FAM163A: variants seen among roughly 807,000 people sequenced by gnomAD.
FAM163A encodes protein FAM163A.
A neutral mutation model predicts 12.0 loss-of-function variants in FAM163A; 7 were observed. The ratio of observed to expected loss-of-function variants is 0.58; its 90% CI spans 0.33 to 1.10. The LOEUF is 1.10. Among genes scored for constraint, FAM163A ranks in the 50% least tolerant of loss-of-function variants. The pLI is 0.03. For synonymous variants in FAM163A, 101 were observed against 91.0 expected (o/e 1.11, Z -0.62); for missense variants, 202 against 218.6 (o/e 0.92, Z 0.48).
In FAM163A at chr1:179,813,911, C is replaced by G; in HGVS notation, c.226C>G (p.Leu76Val). ...SSQALDGRGS[L>V]APLTSEPCSQ... ...CCAAGCCCTGGACGGCAGAGGCAGC[C>G]TGGCGCCTCTCACCAGCGAGCCCTG... The change falls in exon 5 of 5, where the codon CTG (leucine) becomes GTG (valine). Residue 76 changes from leucine to valine, a missense_variant. Coordinates refer to ENST00000341785, the MANE Select transcript of FAM163A (RefSeq NM_173509.3). The G allele has an allele frequency of 1.2e-6, 2 of 1,613,856 alleles. No homozygotes were observed. The highest frequency in any genetic ancestry group is 2.2e-5 in the South Asian group (2 of 91,078).
chr1:179,783,959 G>C (rs183214274), intron 1 of FAM163A, among the ~76,000 whole-genome samples: 1 of 151,706 alleles, frequency 6.6e-6, no homozygotes, highest in African/African-American at 2.4e-5. Flanking sequence ...TACCTAGCTG[G>C]CTCAGAAATT....
chr1:179,730,346 C>T, the FAM163A span: 1 of 152,300 alleles, frequency 6.6e-6, no homozygotes, highest in Non-Finnish European at 1.5e-5. Context: ...AGCAAAGTTA[C>T]TCAGACCAAT....
At position 179,804,652 on chromosome 1, in the gene FAM163A, C is replaced by T. The variant is rs182118507; in HGVS notation, c.-135-3146C>T. ...AAGAAGAACAAGATCTTGTCTTTTG[C>T]GGGAACATGGATGGAGCTGGAGGCC... is the stretch of plus-strand genomic sequence containing the variant. On this transcript the variant is annotated intron_variant, in intron 1 of 4. Coordinates refer to ENST00000341785, the MANE Select transcript of FAM163A (RefSeq NM_173509.3). Among the ~76,000 whole-genome samples the T allele has an allele frequency of 3.9e-5, 6 of 152,226 alleles. No individual in the cohort carries two copies. The East Asian group carries it at 7.7e-4, about 20-fold the overall frequency.
chr1:179,766,668 A>G (rs889507273), intron 1 of FAM163A, among the ~76,000 whole-genome samples: 1 of 151,206 alleles, frequency 6.6e-6, no homozygotes, highest in Non-Finnish European at 1.5e-5. Context: ...TTCTCCTTAC[A>G]CCCCACAGCA....
At chr1:179,740,005 C>T (rs571553588), upstream of FAM163A, among the ~76,000 whole-genome samples, 2 of 152,288 alleles carry the variant, frequency 1.3e-5, no homozygotes, top group South Asian at 4.1e-4. Context: ...GGCTGGCAGT[C>T]TCTTTAACAA....
At chr1:179,806,812 A>G (rs1312342401) in intron 1 of FAM163A, among the ~76,000 whole-genome samples, 2 of 152,160 alleles carry the variant, frequency 1.3e-5, no homozygotes, top group African/African-American at 4.8e-5. Context: ...TTAAAGATCA[A>G]CACTGTCCTG....
chr1:179,781,544 G>A (rs1689731142), intron 1 of FAM163A, among the ~76,000 whole-genome samples: 1 of 152,022 alleles, frequency 6.6e-6, no homozygotes, highest in Admixed American at 6.6e-5. Context: ...ATGGCTTCCT[G>A]GGGCAAGTGT....
At chr1:179,745,141 A>T (rs1684284896) in intron 1 of FAM163A, among the ~76,000 whole-genome samples, 1 of 152,062 alleles carries the variant, frequency 6.6e-6, no homozygotes, top group African/African-American at 2.4e-5. Context: ...AGACAGGGTC[A>T]TGCTGGCGTC....
upstream of FAM163A, among the ~76,000 whole-genome samples, chr1:179,738,556 T>C (rs1438682378): frequency 1.3e-5 from 2 of 152,108 alleles, no homozygotes; most frequent in African/African-American, 4.8e-5. Flanking sequence ...GCAAAGCTGG[T>C]TCAACTTTCA....
At chr1:179,793,694 T>C (rs1691850844) in intron 1 of FAM163A, among the ~76,000 whole-genome samples, 1 of 152,232 alleles carries the variant, frequency 6.6e-6, no homozygotes. Flanking sequence ...CTGGGTGCTT[T>C]TCCATGATTG....
the FAM163A span, among the ~76,000 whole-genome samples, chr1:179,731,992 G>A: frequency 2.0e-5 from 3 of 152,080 alleles, no homozygotes; most frequent in Non-Finnish European, 4.4e-5. Context: ...AATAATCCCA[G>A]GTCTCATAAA....
At chr1:179,733,598 C>G in the FAM163A span, among the ~76,000 whole-genome samples, 2 of 152,106 alleles carry the variant, frequency 1.3e-5, no homozygotes, top group African/African-American at 4.8e-5. Flanking sequence ...CCTTGTGAGA[C>G]AGTGACGCTC....
At chr1:179,773,794 G>A (rs1236167430) in intron 1 of FAM163A, among the ~76,000 whole-genome samples, 1 of 152,202 alleles carries the variant, frequency 6.6e-6, no homozygotes, top group African/African-American at 2.4e-5. Context: ...TGAAGCACTT[G>A]CCTCTTCACC....
intron 1 of FAM163A, among the ~76,000 whole-genome samples, chr1:179,792,071 G>A (rs541933940): frequency 7.2e-5 from 11 of 152,280 alleles, no homozygotes; most frequent in African/African-American, 2.6e-4. Flanking sequence ...CCACTTACTA[G>A]ATGTGTGACC....
At chr1:179,732,634 C>A in the FAM163A span, among the ~76,000 whole-genome samples, 1 of 152,084 alleles carries the variant, frequency 6.6e-6, no homozygotes, top group African/African-American at 2.4e-5. Context: ...GCAATTCCAG[C>A]ACTTTAGGAG....
chr1:179,760,835 G>T (rs951845233), intron 1 of FAM163A, among the ~76,000 whole-genome samples: 5 of 152,256 alleles, frequency 3.3e-5, no homozygotes, highest in African/African-American at 1.2e-4. Flanking sequence ...ATCTCTTCTT[G>T]TATGTCCCAC....
In FAM163A at chr1:179,812,570, A is replaced by C. The variant is rs553142239; in HGVS notation, c.-23+439A>C. Among the ~76,000 whole-genome samples, 5 of 152,350 alleles carry C rather than the reference A, an allele frequency of 3.3e-5. No individual in the cohort carries two copies. The South Asian group carries it at 8.3e-4, about 25-fold the overall frequency. ...GTGTGTGCCAAGAGGGCGGGGATCAAGAGCACAGCCTTTGGGATGAACGGG... is the reference window on the plus strand; with the variant it reads ...GTGTGTGCCAAGAGGGCGGGGATCACGAGCACAGCCTTTGGGATGAACGGG... On this transcript the variant is annotated intron_variant, in intron 3 of 4. Coordinates refer to ENST00000341785, the MANE Select transcript of FAM163A (RefSeq NM_173509.3).
intron 1 of FAM163A, among the ~76,000 whole-genome samples, chr1:179,800,168 C>A (rs1203200105): frequency 6.6e-6 from 1 of 152,248 alleles, no homozygotes; most frequent in African/African-American, 2.4e-5. Flanking sequence ...ACCAAAGTCA[C>A]AGCCCCTCCC....
At chr1:179,757,802 A>G (rs577607492) in intron 1 of FAM163A, among the ~76,000 whole-genome samples, 82 of 146,576 alleles carry the variant, frequency 5.6e-4, no homozygotes, top group African/African-American at 2.0e-3. Context: ...ACAAAGCGAG[A>G]CTGTCTCAAA....
Sources: allele counts gnomAD v4.1 joint callset (sites outside exome capture counted in the v4.1 genomes callset), GRCh38; gene constraint gnomAD v4.1.1; transcripts MANE v1.5; gene names NCBI Gene and HGNC (gene_info 2026-07-23, HGNC 2026-07-21).